The following GPC5 variants were observed in gnomAD, a reference collection of about 807,000 sequenced individuals.
The protein encoded by GPC5 is glypican-5.
Under a neutral mutation model 53.9 loss-of-function variants are expected in GPC5, and 47 were observed. The ratio of observed to expected loss-of-function variants is 0.87; its 90% CI spans 0.69 to 1.11. GPC5 has a LOEUF of 1.11. GPC5 is among the 50% of genes most tolerant of loss of function. GPC5 has a pLI of 0.00. For missense variants in GPC5, 748 were observed against 713.1 expected (o/e 1.05, Z -0.56); for synonymous variants, 286 against 263.3 (o/e 1.09, Z -0.84).
chr13:92,779,811 T>G (rs558367951), intron 7 of GPC5, among the ~76,000 whole-genome samples: 1 of 152,170 alleles, frequency 6.6e-6, no homozygotes, highest in Non-Finnish European at 1.5e-5. Flanking sequence ...CAATACAGAT[T>G]AAATTTGTAA....
intron 7 of GPC5, among the ~76,000 whole-genome samples, chr13:92,243,300 C>T (rs1415746044): frequency 6.6e-6 from 1 of 152,164 alleles, no homozygotes; most frequent in Non-Finnish European, 1.5e-5. Flanking sequence ...AGATGATCCA[C>T]TTCCCTAAAA....
chr13:92,738,924 C>T (rs1334857565), intron 7 of GPC5, among the ~76,000 whole-genome samples: 2 of 152,070 alleles, frequency 1.3e-5, no homozygotes, highest in Non-Finnish European at 2.9e-5. Flanking sequence ...ACTCATTTGA[C>T]CACAGTACTA....
chr13:92,655,345 A>T (rs1006109819), intron 7 of GPC5, among the ~76,000 whole-genome samples: 47 of 135,788 alleles, frequency 3.5e-4, no homozygotes, highest in African/African-American at 1.1e-3. Flanking sequence ...TTTTTATTTT[A>T]TTTTTTGAGA....
chr13:92,757,302 C>T (rs1316935261), intron 7 of GPC5, among the ~76,000 whole-genome samples: 9 of 152,154 alleles, frequency 5.9e-5, no homozygotes. Context: ...AACTGGATCC[C>T]TTCCTTACAC....
chr13:92,547,339 A>G (rs748060139), intron 7 of GPC5, among the ~76,000 whole-genome samples: 1 of 152,214 alleles, frequency 6.6e-6, no homozygotes, highest in Non-Finnish European at 1.5e-5. Flanking sequence ...AACTGCAAAG[A>G]AAGACTTTAT....
chr13:92,475,436 TC>T (rs1879074146), intron 7 of GPC5, among the ~76,000 whole-genome samples: 1 of 146,580 alleles, frequency 6.8e-6, no homozygotes, highest in African/African-American at 2.5e-5. Flanking sequence ...TAAGTTGGAT[TC>T]CTAGGTATTT....
intron 6 of GPC5, among the ~76,000 whole-genome samples, chr13:92,056,113 C>A (rs543843244): frequency 3.3e-5 from 5 of 152,024 alleles, no homozygotes; most frequent in Admixed American, 1.3e-4. Context: ...TATAGTTCTG[C>A]GGGTCAGAAG....
chr13:91,568,200 GACTA>G (rs1355472930), intron 2 of GPC5, among the ~76,000 whole-genome samples: 1 of 152,132 alleles, frequency 6.6e-6, no homozygotes, highest in Non-Finnish European at 1.5e-5. Context: ...TGTGAGAATG[GACTA>G]ATGCAGATGC....
intron 7 of GPC5, among the ~76,000 whole-genome samples, chr13:92,540,645 GA>G (rs1042635630): frequency 2.3e-4 from 35 of 151,878 alleles, no homozygotes; most frequent in African/African-American, 8.2e-4. Context: ...CATTGATTAG[GA>G]AAAAGAGGAG....
chr13:92,644,002 G>T (rs978055052), intron 7 of GPC5, among the ~76,000 whole-genome samples: 4 of 152,198 alleles, frequency 2.6e-5, no homozygotes, highest in Non-Finnish European at 5.9e-5. Flanking sequence ...ACATGGAACA[G>T]CTGCATAATT....
At chr13:91,820,521 C>G (rs1266326692) in intron 5 of GPC5, among the ~76,000 whole-genome samples, 3 of 152,154 alleles carry the variant, frequency 2.0e-5, no homozygotes, top group Non-Finnish European at 4.4e-5. Context: ...TCTAATTTGT[C>G]AAGCGTCCAT....
At chr13:91,991,396 T>C (rs1326515634) in intron 6 of GPC5, among the ~76,000 whole-genome samples, 2 of 152,226 alleles carry the variant, frequency 1.3e-5, no homozygotes, top group Non-Finnish European at 2.9e-5. Flanking sequence ...AAATGATAAA[T>C]AAATGACATT....
chr13:91,922,492 G>C (rs1428921583), intron 6 of GPC5, among the ~76,000 whole-genome samples: 1 of 151,666 alleles, frequency 6.6e-6, no homozygotes, highest in Non-Finnish European at 1.5e-5. Flanking sequence ...TTAATTTCTG[G>C]GTGTTCCACT....
intron 2 of GPC5, among the ~76,000 whole-genome samples, chr13:91,590,368 C>G (rs1594299514): frequency 6.6e-6 from 1 of 152,028 alleles, no homozygotes; most frequent in East Asian, 1.9e-4. Context: ...ATTCGATTTT[C>G]TTCACCTATT....
At chr13:91,485,952 G>C (rs1373019930) in intron 2 of GPC5, 4 of 152,152 alleles carry the variant, frequency 2.6e-5, no homozygotes, top group African/African-American at 9.7e-5. Context: ...GTGATCTTAG[G>C]GGTCTTATCT....
chr13:91,984,032 T>C (rs1373724833), intron 6 of GPC5, among the ~76,000 whole-genome samples: 1 of 152,162 alleles, frequency 6.6e-6, no homozygotes, highest in Non-Finnish European at 1.5e-5. Flanking sequence ...AAAGTAAGTG[T>C]CCAACTTTAT....
At chr13:92,860,663 C>T (rs1201558296) in intron 7 of GPC5, among the ~76,000 whole-genome samples, 2 of 152,054 alleles carry the variant, frequency 1.3e-5, no homozygotes, top group Admixed American at 6.6e-5. Flanking sequence ...CCAAAGTTAA[C>T]AGTTTAAATT....
At chr13:91,401,675 C>A (rs1876966535) in intron 1 of GPC5, among the ~76,000 whole-genome samples, 1 of 152,180 alleles carries the variant, frequency 6.6e-6, no homozygotes, top group Non-Finnish European at 1.5e-5. Flanking sequence ...ATAATATAAG[C>A]AGGTAGAATA....
At chr13:92,296,026 GTTT>G (rs1036101552) in intron 7 of GPC5, among the ~76,000 whole-genome samples, 2 of 151,946 alleles carry the variant, frequency 1.3e-5, no homozygotes, top group Admixed American at 6.6e-5. Flanking sequence ...TTGGTTTTTT[GTTT>G]TTTAAGTTGT....
Sources: gnomAD v4.1 joint callset for allele counts (sites outside exome capture counted in the v4.1 genomes callset) on GRCh38, gnomAD v4.1.1 for gene constraint, MANE v1.5 for transcripts, NCBI Gene and HGNC (gene_info 2026-07-23, HGNC 2026-07-21) for gene names.